Variants in MYRIP observed in about 807,000 individuals in gnomAD.
MYRIP encodes myosin VIIA and Rab interacting protein.
In MYRIP, 49 loss-of-function variants were observed where a neutral mutation model predicts 98.0. The observed-to-expected ratio is 0.50, with a 90% CI of 0.40 to 0.63. MYRIP has a LOEUF of 0.63. Among genes scored for constraint, MYRIP ranks in the 30% least tolerant of loss-of-function variants. The pLI is 0.00. For missense variants in MYRIP, 1,004 were observed against 1,058.2 expected (o/e 0.95, Z 0.71); for synonymous variants, 404 against 409.5 (o/e 0.99, Z 0.16).
intron 3 of MYRIP, among the ~76,000 whole-genome samples, chr3:40,078,986 C>T (rs141087290): frequency 6.6e-6 from 1 of 152,284 alleles, no homozygotes; most frequent in East Asian, 1.9e-4. Flanking sequence ...ATTTCCACAT[C>T]ATTTGGAGCT....
In MYRIP at chr3:39,880,702, T is replaced by C. The variant is rs559259533; in HGVS notation, c.-30-20085T>C. 2.6e-5 allele frequency among the ~76,000 whole-genome samples: 4 copies of C among 152,312 alleles called. No homozygotes were observed. The South Asian group carries it at 8.3e-4, about 32-fold the overall frequency. ...CTTAGGTCTGTGACAATTAAATGGA[T>C]CAATACACATAAATATTTAAGCAGT... is the stretch of plus-strand genomic sequence containing the variant. On this transcript the variant is annotated intron_variant, in intron 1 of 16. Coordinates refer to ENST00000302541, the MANE Select transcript of MYRIP (RefSeq NM_015460.4).
At chr3:39,930,949 G>A (rs1459440890) in intron 2 of MYRIP, among the ~76,000 whole-genome samples, 1 of 152,096 alleles carries the variant, frequency 6.6e-6, no homozygotes, top group Non-Finnish European at 1.5e-5. Context: ...AAATTGTGAT[G>A]TGGAGTCCTC....
rs1261908160 is a variant in MYRIP at position 40,259,400 on chromosome 3, TATG to T, written c.*1239_*1241del. ...AAAAGAAAGGAGGCAAGAGAATAGT[TATG>T]ATGAATATGTGTTAAGTGCCTGCTC... On this transcript the variant is annotated 3_prime_UTR_variant, in exon 17 of 17. Transcript: ENST00000302541. 1.3e-5 allele frequency: 2 copies of T among 152,228 alleles called. No homozygotes were observed. The highest frequency in any genetic ancestry group is 4.8e-5 in the African/African-American group (2 of 41,462). The allele number at this position is 152,228 out of a possible 1,614,324, so 9.4% of individuals were successfully genotyped here.
intron 3 of MYRIP, among the ~76,000 whole-genome samples, chr3:40,072,349 T>C (rs113772541): frequency 0.02 from 3,049 of 152,028 alleles, 84 homozygotes; most frequent in African/African-American, 0.063. Flanking sequence ...GCTGGGAATA[T>C]AGGCGCACAC....
At position 39,996,798 on chromosome 3, in the gene MYRIP, G is replaced by C. The variant is rs145741160; in HGVS notation, c.111-47252G>C. ...AGGGTTGGAAGTAAAGCACTCCTCA[G>C]CAAATGTAAAAGAACAGAAATAATA... On this transcript the variant is annotated intron_variant, in intron 2 of 16. Transcript: ENST00000302541. Among the ~76,000 whole-genome samples, 240 of 152,244 alleles carry C rather than the reference G, an allele frequency of 1.6e-3. 2 individuals are homozygous for C. The highest frequency in any genetic ancestry group is 5.6e-3 in the African/African-American group (233 of 41,530).
intron 10 of MYRIP, among the ~76,000 whole-genome samples, chr3:40,202,906 CTTATTTAT>C (rs35758632): frequency 0.12 from 16,762 of 142,304 alleles, 1,012 homozygotes; most frequent in Middle Eastern, 0.14. Flanking sequence ...CCTCCATTTA[CTTATTTAT>C]TTATTTATTT....
chr3:40,056,478 C>T lies in MYRIP; in HGVS notation c.332+12207C>T, dbSNP rs534128265. On this transcript the variant is annotated intron_variant, in intron 3 of 16. Transcript: ENST00000302541. ...GAGTCTTTCCCATACCACAGTTTCT[C>T]GAGGCTTATGGTTTTCTTTTCTGGA... Among the ~76,000 whole-genome samples the T allele has an allele frequency of 7.2e-5, 11 of 152,216 alleles. No homozygotes were observed. In the East Asian group the frequency reaches 1.2e-3, roughly 16 times the overall value.
intron 2 of MYRIP, among the ~76,000 whole-genome samples, chr3:40,015,149 T>C (rs1220654235): frequency 6.6e-6 from 1 of 152,238 alleles, no homozygotes; most frequent in Non-Finnish European, 1.5e-5. Context: ...CCTTCCAAAG[T>C]TGCATTTTGT....
chr3:40,124,121 C>G (rs1487756152), intron 3 of MYRIP, among the ~76,000 whole-genome samples: 1 of 152,218 alleles, frequency 6.6e-6, no homozygotes, highest in Non-Finnish European at 1.5e-5. Flanking sequence ...AAGACCAGCA[C>G]AGTTTCAAGA....
At chr3:40,050,705 AAAAC>A (rs1412695399) in intron 3 of MYRIP, among the ~76,000 whole-genome samples, 1 of 152,192 alleles carries the variant, frequency 6.6e-6, no homozygotes, top group Non-Finnish European at 1.5e-5. Context: ...AAGTAAATTG[AAAAC>A]AAACCTTTTG....
intron 2 of MYRIP, among the ~76,000 whole-genome samples, chr3:39,958,964 A>T (rs994004230): frequency 6.6e-6 from 1 of 152,194 alleles, no homozygotes; most frequent in African/African-American, 2.4e-5. Context: ...ATGCAAATCA[A>T]AACCGCAATG....
chr3:39,827,482 C>A (rs893287835), intron 1 of MYRIP, among the ~76,000 whole-genome samples: 2 of 152,130 alleles, frequency 1.3e-5, no homozygotes, highest in Non-Finnish European at 2.9e-5. Flanking sequence ...TGTTTACATT[C>A]AAATTATTAT....
chr3:39,968,551 A>G (rs1945498836), intron 2 of MYRIP, among the ~76,000 whole-genome samples: 1 of 152,202 alleles, frequency 6.6e-6, no homozygotes, highest in South Asian at 2.1e-4. Flanking sequence ...GTGGCTAGCC[A>G]GTTATCTCAG....
At chr3:40,060,029 G>A (rs995480851) in intron 3 of MYRIP, among the ~76,000 whole-genome samples, 8 of 152,126 alleles carry the variant, frequency 5.3e-5, no homozygotes, top group African/African-American at 1.9e-4. Context: ...CATGTGGTGT[G>A]GGACTTGAGT....
chr3:40,211,267 C>T (rs1951919995), intron 11 of MYRIP, among the ~76,000 whole-genome samples: 1 of 152,090 alleles, frequency 6.6e-6, no homozygotes, highest in African/African-American at 2.4e-5. Flanking sequence ...TTTCTGTGTC[C>T]CAAGTATATA....
intron 1 of MYRIP, among the ~76,000 whole-genome samples, chr3:39,850,280 T>A (rs1942091880): frequency 2.0e-5 from 3 of 152,220 alleles, no homozygotes; most frequent in Admixed American, 6.5e-5. Context: ...CCACATACCC[T>A]CAAGGCACTA....
At chr3:39,863,963 G>C (rs1413423059) in intron 1 of MYRIP, among the ~76,000 whole-genome samples, 1 of 152,118 alleles carries the variant, frequency 6.6e-6, no homozygotes. Context: ...TATCACATAG[G>C]CTGTATCTCT....
intron 11 of MYRIP, among the ~76,000 whole-genome samples, 170 bp downstream of exon 11, chr3:40,210,263 G>A (rs1951889049): frequency 6.6e-6 from 1 of 152,134 alleles, no homozygotes; most frequent in Admixed American, 6.5e-5. Flanking sequence ...CTTGCACTGG[G>A]GGGTACAATC....
intron 3 of MYRIP, among the ~76,000 whole-genome samples, chr3:40,117,777 G>T (rs1367234435): frequency 6.6e-6 from 1 of 152,014 alleles, no homozygotes; most frequent in Non-Finnish European, 1.5e-5. Flanking sequence ...CCCTCTACCT[G>T]ACATTGAAAT....
Sources: allele counts gnomAD v4.1 joint callset (sites outside exome capture counted in the v4.1 genomes callset), GRCh38; gene constraint gnomAD v4.1.1; transcripts MANE v1.5; gene names NCBI Gene and HGNC (gene_info 2026-07-23, HGNC 2026-07-21).